CACNA1A: variants seen among roughly 807,000 people sequenced by gnomAD.
The protein encoded by CACNA1A is voltage-dependent P/Q-type calcium channel subunit alpha-1A.
CACNA1A carries 57 observed loss-of-function variants against 262.4 expected under a neutral mutation model. That is an observed-to-expected ratio of 0.22 (90% CI 0.18 to 0.27). The LOEUF (loss-of-function observed/expected upper bound fraction) is 0.27, where lower values mean the gene tolerates loss of function less well. Ranked by LOEUF, CACNA1A falls within the 10% of genes least tolerant of loss-of-function variation. The probability of loss-of-function intolerance (pLI) is 1.00; values close to 1 mark genes in which losing one functional copy is unlikely to be tolerated. For missense variants in CACNA1A, 2,526 were observed against 3,562.8 expected (o/e 0.71, Z 7.41); for synonymous variants, 1,431 against 1,419.3 (o/e 1.01, Z -0.18).
chr19:13,287,571 G>A (rs1311336727), intron 19 of CACNA1A, among the ~76,000 whole-genome samples: 5 of 151,626 alleles, frequency 3.3e-5, no homozygotes, highest in Admixed American at 6.6e-5. Flanking sequence ...GCGTGATCTC[G>A]GCTCACTGCA....
At chr19:13,491,675 AGGGG>A (rs1980899533) in intron 1 of CACNA1A, among the ~76,000 whole-genome samples, 1 of 152,160 alleles carries the variant, frequency 6.6e-6, no homozygotes, top group African/African-American at 2.4e-5. Flanking sequence ...TTTGAAATAA[AGGGG>A]CTGTCTAAGG....
chr19:13,209,306 G>A lies in CACNA1A; in HGVS notation c.6526+6C>T, dbSNP rs1366998583. 78 of 1,421,624 alleles carry A rather than the reference G, an allele frequency of 5.5e-5. No homozygotes were observed. The highest frequency in any genetic ancestry group is 7.0e-5 in the Non-Finnish European group (76 of 1,084,990). 88.1% of individuals were successfully genotyped at this position (1,421,624 alleles called of 1,614,324 possible). On this transcript the variant is annotated splice_donor_region_variant and intron_variant, in intron 45 of 46. Coordinates refer to ENST00000360228, the MANE Select transcript of CACNA1A (RefSeq NM_001127222.2). ...GCTTGTCCCTGAGCACCACAGGGCT[G>A]CCCACCTGTGTCCACATCGGTGTAG...
chr19:13,374,783 C>G (rs1313728862), intron 3 of CACNA1A, among the ~76,000 whole-genome samples: 4 of 152,172 alleles, frequency 2.6e-5, no homozygotes, highest in Non-Finnish European at 5.9e-5. Flanking sequence ...ACAAGCCAGG[C>G]CCTATCTCTG....
At chr19:13,248,672 G>A (rs2056317791) in intron 30 of CACNA1A, among the ~76,000 whole-genome samples, 1 of 151,886 alleles carries the variant, frequency 6.6e-6, no homozygotes, top group Admixed American at 6.6e-5. Context: ...GTGAATCCCC[G>A]TCTCTGCTAA....
At chr19:13,375,354 G>A (rs542213565) in intron 3 of CACNA1A, among the ~76,000 whole-genome samples, 51 of 152,104 alleles carry the variant, frequency 3.4e-4, no homozygotes, top group African/African-American at 1.2e-3. Context: ...CCTATTCCCC[G>A]AGACATAACA....
At chr19:13,210,728 G>C in intron 43 of CACNA1A, 76 bp from the exon 44 acceptor site, 215 of 1,353,118 alleles carry the variant, frequency 1.6e-4, no homozygotes, top group Non-Finnish European at 2.0e-4. Context: ...AAGAGGGAGA[G>C]TGAGGAGGTG....
chr19:13,295,240 A>C (rs1036179148), intron 19 of CACNA1A, among the ~76,000 whole-genome samples: 2 of 152,218 alleles, frequency 1.3e-5, no homozygotes, highest in Non-Finnish European at 1.5e-5. Flanking sequence ...GACCTAGAAC[A>C]ATGGTTTTCA....
intron 26 of CACNA1A, chr19:13,260,906 C>T (rs2056719275): frequency 6.6e-6 from 1 of 152,430 alleles, no homozygotes; most frequent in Non-Finnish European, 1.5e-5. Context: ...CCACCTCAGC[C>T]TCCCAAAGTG....
At chr19:13,220,865 A>T (rs1219186855) in intron 38 of CACNA1A, among the ~76,000 whole-genome samples, 1 of 151,892 alleles carries the variant, frequency 6.6e-6, no homozygotes, top group Non-Finnish European at 1.5e-5. Flanking sequence ...GCCTCAAGTG[A>T]TCCTCCTGCC....
chr19:13,343,047 G>A (rs8110812), intron 6 of CACNA1A, among the ~76,000 whole-genome samples: 65,898 of 149,442 alleles, frequency 0.44, 15,799 homozygotes, highest in Non-Finnish European at 0.55. Flanking sequence ...GAGCCACCAC[G>A]CCCAGCCAGA....
chr19:13,272,669 G>C (rs561993881), intron 24 of CACNA1A: 1 of 151,026 alleles, frequency 6.6e-6, no homozygotes, highest in African/African-American at 2.4e-5. Flanking sequence ...GGAGAAAGAC[G>C]AACAGAAAGA....
intron 12 of CACNA1A, among the ~76,000 whole-genome samples, chr19:13,310,597 T>C (rs2058016054): frequency 6.9e-6 from 1 of 145,462 alleles, no homozygotes; most frequent in South Asian, 2.3e-4. Flanking sequence ...CCTGCCTCCT[T>C]CTGTGCCATG....
chr19:13,483,009 T>C (rs896965951), intron 1 of CACNA1A, among the ~76,000 whole-genome samples: 1 of 152,088 alleles, frequency 6.6e-6, no homozygotes, highest in Non-Finnish European at 1.5e-5. Context: ...TCTTAAGCTA[T>C]CTCTTAATTT....
intron 1 of CACNA1A, among the ~76,000 whole-genome samples, chr19:13,465,677 T>C (rs192134976): frequency 2.6e-5 from 4 of 151,914 alleles, no homozygotes; most frequent in Admixed American, 6.6e-5. Flanking sequence ...TTTGTAGAGA[T>C]GGAGTTTTGC....
chr19:13,237,899 G>A (rs2055931029), intron 31 of CACNA1A, among the ~76,000 whole-genome samples: 1 of 152,172 alleles, frequency 6.6e-6, no homozygotes, highest in African/African-American at 2.4e-5. Context: ...ATAACATGTG[G>A]ACTCGGCCAG....
At position 13,286,831 on chromosome 19, in the gene CACNA1A, G is replaced by A. The variant is rs771852505; in HGVS notation, c.3225C>T (p.Thr1075=). 6 of 1,613,616 alleles carry A rather than the reference G, an allele frequency of 3.7e-6. No homozygotes were observed. Among genetic ancestry groups the A allele is most frequent in the Admixed American group, 3.3e-5 (2 of 59,978 alleles). The stretch of plus-strand genomic sequence containing the variant: ...TGCCGTGGGGAGCGGCCGACTCCGC[G>A]GTGGCCAGCTTGTTGTTCTTCATGT... ...IDNMKNNKLA[T]AESAAPHGSL... Residue 1075 remains threonine (T), a synonymous_variant, in exon 20 of 47, where the codon ACC becomes ACT. Transcript: ENST00000360228.
chr19:13,414,381 T>C (rs534466297), intron 3 of CACNA1A, among the ~76,000 whole-genome samples: 1 of 151,924 alleles, frequency 6.6e-6, no homozygotes, highest in East Asian at 1.9e-4. Flanking sequence ...GCCTAGGCAA[T>C]AGAGCGAGGC....
chr19:13,393,821 T>TTC (rs1270133789), intron 3 of CACNA1A, among the ~76,000 whole-genome samples: 7 of 95,426 alleles, frequency 7.3e-5, no homozygotes, highest in Admixed American at 1.4e-4. Context: ...TCTCTCTCTC[T>TTC]CTCTCTCTCT....
intron 3 of CACNA1A, among the ~76,000 whole-genome samples, chr19:13,373,200 C>T (rs2059353616): frequency 6.6e-6 from 1 of 152,190 alleles, no homozygotes; most frequent in African/African-American, 2.4e-5. Context: ...CTCTGATGCC[C>T]AGGCTGGAAT....
Sources: allele counts gnomAD v4.1 joint callset (sites outside exome capture counted in the v4.1 genomes callset), GRCh38; gene constraint gnomAD v4.1.1; transcripts MANE v1.5; gene names NCBI Gene and HGNC (gene_info 2026-07-23, HGNC 2026-07-21).